CLIP1: variants seen among roughly 807,000 people sequenced by gnomAD.
CLIP1 encodes the protein CAP-Gly domain containing linker protein 1, also known as CAP-Gly domain-containing linker protein 1.
A neutral mutation model predicts 161.6 loss-of-function variants in CLIP1; 66 were observed. That is an observed-to-expected ratio of 0.41 (90% CI 0.33 to 0.50). The LOEUF (loss-of-function observed/expected upper bound fraction) is 0.50. Among genes scored for constraint, CLIP1 ranks in the 20% least tolerant of loss-of-function variants. CLIP1 has a pLI of 0.27. For synonymous variants in CLIP1, 598 were observed against 626.2 expected, an observed-to-expected ratio of 0.96 and a Z score of 0.67; for missense variants, 1,376 against 1,702.0, an observed-to-expected ratio of 0.81 and a Z score of 3.37.
intron 20 of CLIP1, among the ~76,000 whole-genome samples, chr12:122,307,373 T>C (rs530625642): frequency 6.6e-6 from 1 of 152,166 alleles, no homozygotes; most frequent in Non-Finnish European, 1.5e-5. Context: ...TAGGTTGTGA[T>C]GATTCCATGA....
rs115053208 is a variant in CLIP1, at chr12:122,301,360, T to G, written c.3594+8402A>C. 4.8e-3 allele frequency among the ~76,000 whole-genome samples: 734 copies of G among 152,268 alleles called. 10 individuals are homozygous for G. Among genetic ancestry groups the G allele is most frequent in the African/African-American group, 0.017 (692 of 41,552 alleles). ...ACTTTTCACAAAGTTTGAAACAATT[T>G]CCAAATGAAATATTAAAAACTTAGT... On this transcript the variant is annotated intron_variant, in intron 20 of 25. Coordinates refer to ENST00000620786, the MANE Select transcript of CLIP1 (RefSeq NM_001247997.2).
Position 122,274,172 on chromosome 12 carries a change from TA to T in CLIP1, c.3967-11del, listed in dbSNP as rs376224001. The stretch of plus-strand genomic sequence containing the variant: ...AATTTAGGAAATCAATCTGATTTGT[TA>T]AAAAAAAAATGTGTAAAATGTCAAG... On this transcript the variant is annotated splice_polypyrimidine_tract_variant and intron_variant, in intron 24 of 25. Coordinates refer to ENST00000620786, the MANE Select transcript of CLIP1 (RefSeq NM_001247997.2). 8.0e-3 allele frequency: 10,924 copies of T among 1,360,464 alleles called. 19 individuals carry two copies. The highest frequency in any genetic ancestry group is 0.022 in the South Asian group (1,565 of 72,286). The allele number at this position is 1,360,464 out of a possible 1,614,324, so 84.3% of individuals were successfully genotyped here. A position where few individuals can be genotyped will look rare whatever the true frequency, so the allele number is the denominator to read the frequency against.
At chr12:122,392,347 T>TA (rs1955692958) in intron 1 of CLIP1, among the ~76,000 whole-genome samples, 1 of 152,106 alleles carries the variant, frequency 6.6e-6, no homozygotes, top group Admixed American at 6.6e-5. Flanking sequence ...TCTCAAAACA[T>TA]AAAAATATGC....
intron 3 of CLIP1, among the ~76,000 whole-genome samples, chr12:122,373,336 T>C (rs1210348821): frequency 1.3e-5 from 2 of 151,454 alleles, no homozygotes; most frequent in Non-Finnish European, 2.9e-5. Context: ...GGCACGAGAA[T>C]CGCTTGAACC....
chr12:122,420,746 G>A (rs886747028), intron 1 of CLIP1, among the ~76,000 whole-genome samples: 1 of 151,954 alleles, frequency 6.6e-6, no homozygotes, highest in African/African-American at 2.4e-5. Flanking sequence ...AATCAGCCTG[G>A]GCAACGTGGT....
At chr12:122,285,509 G>A (rs1436658543) in intron 21 of CLIP1, among the ~76,000 whole-genome samples, 12 of 152,158 alleles carry the variant, frequency 7.9e-5, no homozygotes, top group African/African-American at 2.4e-4. Context: ...TGGGATTACA[G>A]GTGTAAGCCA....
intron 24 of CLIP1, chr12:122,275,634 A>ACACGCGCGCG (rs1566065607): frequency 9.6e-5 from 10 of 104,148 alleles, no homozygotes; most frequent in African/African-American, 3.7e-4. Flanking sequence ...ATACACACAC[A>ACACGCGCGCG]CACACACGCG....
chr12:122,278,471 T>A, intron 23 of CLIP1: 1 of 551,334 alleles, frequency 1.8e-6, no homozygotes. Flanking sequence ...TCCATCTGAA[T>A]GTACAGAGGC....
rs1248054866 is a variant in CLIP1 at position 122,355,336 on chromosome 12, G to T, written c.1006-24C>A. 6.2e-7 allele frequency: 1 copy of T among 1,601,982 alleles called. No homozygotes were observed. The highest frequency in any genetic ancestry group is 1.3e-5 in the African/African-American group (1 of 74,812). On this transcript the variant is annotated intron_variant, in intron 5 of 25. Transcript: ENST00000620786. This position sits in a 1 kb window ranked among gnomAD's most constrained non-coding sequence, Gnocchi z 4.1. ...AACTGTAAAGGAAAGTTAGAGAAAT[G>T]AAGGGCGATGATGCTGTCAGAAAAG...
intron 17 of CLIP1, among the ~76,000 whole-genome samples, chr12:122,320,943 C>T (rs1338590920): frequency 2.0e-5 from 3 of 151,288 alleles, no homozygotes; most frequent in Admixed American, 6.6e-5. Context: ...CTTCTGATCT[C>T]GTGATCCGCC....
intron 14 of CLIP1, among the ~76,000 whole-genome samples, 155 bp from the exon 15 acceptor site, chr12:122,333,298 G>A (rs540116026): frequency 3.9e-5 from 6 of 152,250 alleles, no homozygotes; most frequent in South Asian, 4.2e-4. Flanking sequence ...GCAAGATAAC[G>A]AAAATAAATC....
intron 9 of CLIP1, among the ~76,000 whole-genome samples, chr12:122,348,550 G>C (rs1458356396): frequency 6.6e-6 from 1 of 152,156 alleles, no homozygotes; most frequent in Non-Finnish European, 1.5e-5. Context: ...GATGTAGCCT[G>C]ATAGGGAACC....
At chr12:122,418,482 G>A (rs1435275771) in intron 1 of CLIP1, among the ~76,000 whole-genome samples, 1 of 152,196 alleles carries the variant, frequency 6.6e-6, no homozygotes, top group East Asian at 1.9e-4. Context: ...GCTGGGCACG[G>A]TGGCTCATGC....
At chr12:122,282,676 T>C (rs1658665909) in intron 21 of CLIP1, among the ~76,000 whole-genome samples, 1 of 152,092 alleles carries the variant, frequency 6.6e-6, no homozygotes, top group Non-Finnish European at 1.5e-5. Context: ...TGTGTGTATA[T>C]ATATATGTAT....
intron 24 of CLIP1, 126 bp downstream of exon 24, chr12:122,278,028 G>A: frequency 3.8e-6 from 3 of 790,548 alleles, no homozygotes; most frequent in Non-Finnish European, 6.4e-6. Context: ...TTGGACTAGA[G>A]GAATGCATTA....
In CLIP1 at chr12:122,272,970, G is replaced by A. The variant is rs772128872; in HGVS notation, c.4222C>T (p.His1408Tyr). 3.7e-6 allele frequency: 6 copies of A among 1,614,116 alleles called. No individual in the cohort carries two copies. In the South Asian group the frequency reaches 5.5e-5, roughly 15 times the overall value. Residue 1408 changes from histidine to tyrosine, a missense_variant, in exon 26 of 26, where the codon CAC (histidine) becomes TAC (tyrosine). By Grantham distance (83) the His-to-Tyr change is moderately conservative. This residue lies in a region of CLIP1 where 948 missense variants were observed against 1,134.8 expected (regional missense o/e 0.84). Transcript: ENST00000620786. ...CGTTCCTCACCCCGACTGCCATGGT[G>A]TGTGGAATGGGGAGGGTCCTCTGAC... Reference protein sequence around the residue: ...QMSEDPPHSTHHGSRGEERPY... With the variant: ...QMSEDPPHSTYHGSRGEERPY...
At chr12:122,387,572 A>G (rs759836821) in intron 1 of CLIP1, among the ~76,000 whole-genome samples, 2,338 of 8,008 alleles carry the variant, frequency 0.29, 320 homozygotes, top group Non-Finnish European at 0.45. Flanking sequence ...ATATATATAT[A>G]TATATATATA....
chr12:122,372,869 G>A (rs573303595), intron 3 of CLIP1, among the ~76,000 whole-genome samples: 4 of 152,174 alleles, frequency 2.6e-5, no homozygotes, highest in African/African-American at 7.2e-5. Flanking sequence ...CACCCAAAAA[G>A]AGCCCAAGAA....
chr12:122,422,904 G>A (rs774035182), upstream of CLIP1, among the ~76,000 whole-genome samples: 2 of 151,962 alleles, frequency 1.3e-5, no homozygotes, highest in Non-Finnish European at 2.9e-5. Flanking sequence ...AGCAAGGTGC[G>A]AGGGAAAACC....
Sources: gnomAD v4.1 joint callset for allele counts (sites outside exome capture counted in the v4.1 genomes callset) on GRCh38, gnomAD v4.1.1 for gene constraint, gnomAD v4.1.1 regional missense constraint, Gnocchi (gnomAD v3.1) non-coding constraint, MANE v1.5 for transcripts, NCBI Gene and HGNC (gene_info 2026-07-23, HGNC 2026-07-21) for gene names.